Variants in ZCWPW2 observed in about 807,000 individuals in gnomAD.
The protein encoded by ZCWPW2 is zinc finger CW-type PWWP domain protein 2.
ZCWPW2 carries 45 observed loss-of-function variants against 46.6 expected under a neutral mutation model. The ratio of observed to expected loss-of-function variants is 0.96; its 90% CI spans 0.76 to 1.24. The LOEUF is 1.24. Ranked by LOEUF, ZCWPW2 falls within the 50% of genes most tolerant of loss-of-function variation. The pLI, the probability that ZCWPW2 is intolerant of heterozygous loss-of-function variation, is 0.00. For synonymous variants in ZCWPW2, 152 were observed against 137.1 expected (o/e 1.11, Z -0.76); for missense variants, 429 against 403.9 (o/e 1.06, Z -0.53).
At chr3:28,400,936 T>C (rs1302466335) in intron 2 of ZCWPW2, among the ~76,000 whole-genome samples, 5 of 151,972 alleles carry the variant, frequency 3.3e-5, no homozygotes, top group Admixed American at 2.6e-4. Flanking sequence ...TCCCAGCACG[T>C]TGGGAGGCCG....
At chr3:28,359,349 G>A (rs2125691841) in intron 1 of ZCWPW2, among the ~76,000 whole-genome samples, 1 of 152,120 alleles carries the variant, frequency 6.6e-6, no homozygotes, top group East Asian at 1.9e-4. Flanking sequence ...TCTTATGAAG[G>A]TACAAAACAC....
chr3:28,376,217 G>C lies in ZCWPW2; in HGVS notation c.-133-14281G>C, dbSNP rs1001577757. Among the ~76,000 whole-genome samples the C allele has an allele frequency of 9.2e-5, 14 of 152,030 alleles. 1 individual carries two copies. The highest frequency in any genetic ancestry group is 3.1e-4 in the African/African-American group (13 of 41,418). On this transcript the variant is annotated intron_variant, in intron 1 of 9. Coordinates refer to ENST00000383768, the MANE Select transcript of ZCWPW2 (RefSeq NM_001040432.4). The stretch of plus-strand genomic sequence containing the variant: ...TGAATCTATTATAGGTTTTGGGGTT[G>C]TGGGTATCATGAGTTTACAAAAACA...
Position 28,492,167 on chromosome 3 carries a change from GA to G in ZCWPW2, c.655del (p.Arg219GlyfsTer25). ...ATGACAAAGTTGCTGCACTGGTCAA[GA>G]AAAGGGTAAGATTGTGTTTTATTAT... ...THDKVAALVK[K>X]RKQTSKNNIE... On this transcript the variant is annotated frameshift_variant, in exon 6 of 10. Coordinates refer to ENST00000383768, the MANE Select transcript of ZCWPW2 (RefSeq NM_001040432.4). LOFTEE classifies it high-confidence loss of function. 1 of 1,605,172 alleles carries G rather than the reference GA, an allele frequency of 6.2e-7. No individual in the cohort carries two copies. The highest frequency in any genetic ancestry group is 8.5e-7 in the Non-Finnish European group (1 of 1,176,262).
intron 1 of ZCWPW2, among the ~76,000 whole-genome samples, chr3:28,367,022 G>A (rs908304513): frequency 2.0e-5 from 3 of 151,966 alleles, no homozygotes; most frequent in African/African-American, 4.8e-5. Context: ...GTTTCTATTT[G>A]ATTCTTCTCT....
intron 4 of ZCWPW2, among the ~76,000 whole-genome samples, chr3:28,440,841 T>A (rs1409026542): frequency 6.6e-6 from 1 of 152,158 alleles, no homozygotes; most frequent in Non-Finnish European, 1.5e-5. Context: ...AGAGTAAGTG[T>A]CTAGTCCAGT....
intron 4 of ZCWPW2, among the ~76,000 whole-genome samples, chr3:28,456,808 C>A (rs1024607008): frequency 9.2e-5 from 14 of 152,258 alleles, no homozygotes; most frequent in South Asian, 6.2e-4. Flanking sequence ...ACGTTGCATC[C>A]TGGGGATGAA....
At chr3:28,386,922 G>T (rs1489460658) in intron 1 of ZCWPW2, among the ~76,000 whole-genome samples, 1 of 152,150 alleles carries the variant, frequency 6.6e-6, no homozygotes, top group African/African-American at 2.4e-5. Context: ...AAAAGGAGAA[G>T]GAGAATTGGT....
chr3:28,375,685 T>G (rs770307568), intron 1 of ZCWPW2, among the ~76,000 whole-genome samples: 1 of 152,070 alleles, frequency 6.6e-6, no homozygotes, highest in Non-Finnish European at 1.5e-5. Context: ...AGTTTATTAT[T>G]GACTATAGTC....
chr3:28,379,271 G>A (rs1038193116), intron 1 of ZCWPW2, among the ~76,000 whole-genome samples: 1 of 152,024 alleles, frequency 6.6e-6, no homozygotes, highest in Non-Finnish European at 1.5e-5. Context: ...TAAAGCCAGA[G>A]GAAAATTTAT....
intron 6 of ZCWPW2, among the ~76,000 whole-genome samples, chr3:28,502,579 T>A (rs928386727): frequency 1.3e-5 from 2 of 152,094 alleles, no homozygotes; most frequent in Non-Finnish European, 2.9e-5. Context: ...GAAAACTCAT[T>A]TGTTTTTCTC....
chr3:28,473,723 G>T (rs1575176967), intron 4 of ZCWPW2, among the ~76,000 whole-genome samples: 1 of 152,162 alleles, frequency 6.6e-6, no homozygotes, highest in Non-Finnish European at 1.5e-5. Flanking sequence ...CCATTCATTT[G>T]CAACAACATG....
chr3:28,370,301 C>T (rs1206213773), intron 1 of ZCWPW2, among the ~76,000 whole-genome samples: 2 of 152,160 alleles, frequency 1.3e-5, no homozygotes, highest in African/African-American at 2.4e-5. Flanking sequence ...CTTTGCTTCA[C>T]CCCAAAAAAC....
chr3:28,518,388 C>G (rs1203750833), intron 8 of ZCWPW2, among the ~76,000 whole-genome samples: 4 of 151,916 alleles, frequency 2.6e-5, no homozygotes, highest in Non-Finnish European at 5.9e-5. Context: ...TATCACTGAC[C>G]AATTTTGATA....
At chr3:28,364,566 C>T (rs1000194421) in intron 1 of ZCWPW2, among the ~76,000 whole-genome samples, 3 of 152,066 alleles carry the variant, frequency 2.0e-5, no homozygotes, top group Non-Finnish European at 2.9e-5. Context: ...TTTACATTCC[C>T]ACCAACAGTG....
chr3:28,447,807 A>T, intron 4 of ZCWPW2: 1 of 897,794 alleles, frequency 1.1e-6, no homozygotes, highest in Non-Finnish European at 1.8e-6. Flanking sequence ...ACCCCTGGCA[A>T]TAGAATTGTT....
intron 6 of ZCWPW2, among the ~76,000 whole-genome samples, chr3:28,511,385 T>G (rs548280566): frequency 6.6e-6 from 1 of 152,178 alleles, no homozygotes; most frequent in South Asian, 2.1e-4. Context: ...TTTGAAAAAT[T>G]TTTTCAAAAA....
chr3:28,519,705 T>C (rs1231201150), intron 8 of ZCWPW2, among the ~76,000 whole-genome samples: 1 of 152,184 alleles, frequency 6.6e-6, no homozygotes, highest in Non-Finnish European at 1.5e-5. Flanking sequence ...AAGTGGAAGA[T>C]GAAGGGATGT....
chr3:28,352,779 G>A lies in ZCWPW2; in HGVS notation c.-134+3576G>A, dbSNP rs180686928. ...TAAAAATAGAATTAACCTGAATTCT[G>A]TTTCTTTCTAGCAATAAGTAATATT... On this transcript the variant is annotated intron_variant, in intron 1 of 9. Transcript: ENST00000383768. Among the ~76,000 whole-genome samples the A allele has an allele frequency of 5.3e-5, 8 of 152,276 alleles. No individual in the cohort carries two copies. In the East Asian group the frequency reaches 1.5e-3, roughly 29 times the overall value.
At chr3:28,522,986 G>A (rs1030365766) in intron 9 of ZCWPW2, among the ~76,000 whole-genome samples, 4 of 152,110 alleles carry the variant, frequency 2.6e-5, no homozygotes, top group Non-Finnish European at 5.9e-5. Context: ...CGATGTCCTG[G>A]AGCTTTTATA....
Sources: gnomAD v4.1 joint callset for allele counts (sites outside exome capture counted in the v4.1 genomes callset) on GRCh38, gnomAD v4.1.1 for gene constraint, MANE v1.5 for transcripts, NCBI Gene and HGNC (gene_info 2026-07-23, HGNC 2026-07-21) for gene names.